Variants in IL1RAPL2 observed in about 807,000 individuals in gnomAD.
IL1RAPL2 encodes the protein X-linked interleukin-1 receptor accessory protein-like 2.
A neutral mutation model predicts 44.1 loss-of-function variants in IL1RAPL2; 3 were observed. The ratio of observed to expected loss-of-function variants is 0.07; its 90% CI spans 0.03 to 0.18. IL1RAPL2 has a LOEUF of 0.18. Ranked by LOEUF, IL1RAPL2 falls within the 10% of genes least tolerant of loss-of-function variation. The pLI, the probability that IL1RAPL2 is intolerant of heterozygous loss-of-function variation, is 1.00. For missense variants in IL1RAPL2, 391 were observed against 496.4 expected, an observed-to-expected ratio of 0.79 and a Z score of 2.02; for synonymous variants, 181 against 178.8, an observed-to-expected ratio of 1.01 and a Z score of -0.10.
intron 7 of IL1RAPL2, among the ~76,000 whole-genome samples, chrX:105,734,136 T>A (rs1024920095): frequency 9.0e-6 from 1 of 111,062 alleles, no homozygotes; most frequent in Non-Finnish European, 1.9e-5. Context: ...TGCAGGTTTT[T>A]TTTTTGCAAA....
chrX:105,593,621 C>A (rs1185746655), intron 6 of IL1RAPL2, among the ~76,000 whole-genome samples: 1 of 110,808 alleles, frequency 9.0e-6, no homozygotes, highest in African/African-American at 3.3e-5. Flanking sequence ...TCTTTGATAC[C>A]ATTGTGGGTT....
At chrX:105,093,209 A>C (rs1164640873) in intron 2 of IL1RAPL2, among the ~76,000 whole-genome samples, 2 of 110,487 alleles carry the variant, frequency 1.8e-5, no homozygotes, top group African/African-American at 6.6e-5. Flanking sequence ...ACACACACAC[A>C]CACACCTCAA....
chrX:105,753,614 A>T lies in IL1RAPL2; in HGVS notation c.1193-1563A>T, dbSNP rs186079105. On this transcript the variant is annotated intron_variant, in intron 9 of 10. Transcript: ENST00000372582. The stretch of plus-strand genomic sequence containing the variant: ...GGAGGTTCTTACATTAGCATTGCTT[A>T]TGAACATTCTCACTTCCAAGCAGAA... Among the ~76,000 whole-genome samples, 11 of 111,122 alleles carry T rather than the reference A, an allele frequency of 9.9e-5. No individual in the cohort carries two copies. The East Asian group carries it at 2.6e-3, about 26-fold the overall frequency.
chrX:105,155,008 A>T (rs1170203760), intron 2 of IL1RAPL2, among the ~76,000 whole-genome samples: 1 of 111,814 alleles, frequency 8.9e-6, no homozygotes. Flanking sequence ...TTATCTTGTC[A>T]ATCATCAAGT....
intron 2 of IL1RAPL2, among the ~76,000 whole-genome samples, chrX:104,962,304 T>C (rs1006664005): frequency 1.8e-5 from 2 of 112,412 alleles, no homozygotes; most frequent in Non-Finnish European, 3.8e-5. Flanking sequence ...GGAAAGGTTA[T>C]TAATACAGTG....
At chrX:104,985,571 G>C (rs1416617830) in intron 2 of IL1RAPL2, among the ~76,000 whole-genome samples, 2 of 111,821 alleles carry the variant, frequency 1.8e-5, no homozygotes, top group African/African-American at 6.5e-5. Context: ...GGGATGAGTA[G>C]ATGGTTATTC....
At chrX:104,942,880 G>A (rs918256804) in intron 2 of IL1RAPL2, among the ~76,000 whole-genome samples, 11 of 111,599 alleles carry the variant, frequency 9.9e-5, no homozygotes, top group African/African-American at 2.3e-4. Flanking sequence ...TCAATACCTA[G>A]TTTATTGAGA....
At chrX:104,581,316 G>A (rs1362149379) in intron 1 of IL1RAPL2, among the ~76,000 whole-genome samples, 2 of 111,597 alleles carry the variant, frequency 1.8e-5, no homozygotes, top group Non-Finnish European at 3.8e-5. Flanking sequence ...GTATTGTGTG[G>A]GTCTCCCAAA....
At chrX:104,749,722 G>A (rs1932226858) in intron 2 of IL1RAPL2, among the ~76,000 whole-genome samples, 1 of 111,428 alleles carries the variant, frequency 9.0e-6, no homozygotes, top group African/African-American at 3.3e-5. Context: ...TTATAAATTA[G>A]GTAAGAAATT....
At chrX:104,769,115 TC>T (rs1932603392) in intron 2 of IL1RAPL2, among the ~76,000 whole-genome samples, 1 of 111,548 alleles carries the variant, frequency 9.0e-6, no homozygotes, top group Non-Finnish European at 1.9e-5. Flanking sequence ...AACTAGATAT[TC>T]CCTAACATTC....
intron 4 of IL1RAPL2, among the ~76,000 whole-genome samples, chrX:105,265,781 TAC>T (rs776377558): frequency 8.2e-5 from 9 of 110,367 alleles, no homozygotes; most frequent in Admixed American, 1.9e-4. Context: ...TCAGATCACT[TAC>T]ACACACACAC....
chrX:105,382,334 G>C (rs1226262106), intron 5 of IL1RAPL2, among the ~76,000 whole-genome samples: 3 of 107,991 alleles, frequency 2.8e-5, no homozygotes, highest in Non-Finnish European at 5.7e-5. Flanking sequence ...CTTCTCAAAA[G>C]AAGACATTTA....
intron 2 of IL1RAPL2, among the ~76,000 whole-genome samples, chrX:105,118,811 T>C (rs781048732): frequency 8.9e-6 from 1 of 112,328 alleles, no homozygotes; most frequent in African/African-American, 3.2e-5. Context: ...ATGTTCATCA[T>C]GTGCCATAGC....
chrX:105,215,685 G>A (rs991264571), intron 3 of IL1RAPL2, among the ~76,000 whole-genome samples: 4 of 111,354 alleles, frequency 3.6e-5, no homozygotes, highest in Non-Finnish European at 5.6e-5. Flanking sequence ...CAATATCCCC[G>A]AAGAACATCG....
At chrX:105,654,229 C>T (rs2037662099) in intron 6 of IL1RAPL2, among the ~76,000 whole-genome samples, 2 of 108,810 alleles carry the variant, frequency 1.8e-5, no homozygotes, top group African/African-American at 7.1e-5. Context: ...TTGTAAACTC[C>T]TGTCAATATT....
At chrX:104,991,507 G>C (rs899309861) in intron 2 of IL1RAPL2, among the ~76,000 whole-genome samples, 1 of 111,850 alleles carries the variant, frequency 8.9e-6, no homozygotes, top group Non-Finnish European at 1.9e-5. Context: ...TAGGAGATTA[G>C]GAGGGCTGTC....
chrX:105,703,721 T>A (rs951625910), intron 6 of IL1RAPL2, among the ~76,000 whole-genome samples: 5 of 111,899 alleles, frequency 4.5e-5, no homozygotes. Flanking sequence ...TGTAACTAAC[T>A]TTATCTGCAT....
intron 2 of IL1RAPL2, among the ~76,000 whole-genome samples, chrX:105,104,856 G>C (rs776288854): frequency 5.4e-5 from 6 of 111,876 alleles, no homozygotes; most frequent in Non-Finnish European, 1.1e-4. Context: ...ATTGCACAAG[G>C]AGATTTAATC....
chrX:105,523,027 A>G (rs998794710), intron 6 of IL1RAPL2, among the ~76,000 whole-genome samples: 1 of 111,178 alleles, frequency 9.0e-6, no homozygotes, highest in African/African-American at 3.3e-5. Context: ...CCAGTCTGCT[A>G]TTTTCCAGAA....
Sources: gnomAD v4.1 joint callset for allele counts (sites outside exome capture counted in the v4.1 genomes callset) on GRCh38, gnomAD v4.1.1 for gene constraint, MANE v1.5 for transcripts, NCBI Gene and HGNC (gene_info 2026-07-23, HGNC 2026-07-21) for gene names.